LRP1B: variants seen among roughly 807,000 people sequenced by gnomAD.
The protein encoded by LRP1B is low-density lipoprotein receptor-related protein 1B.
A neutral mutation model predicts 556.6 loss-of-function variants in LRP1B; 217 were observed. The ratio of observed to expected loss-of-function variants is 0.39; its 90% CI spans 0.35 to 0.44. LRP1B has a LOEUF of 0.44. Among genes scored for constraint, LRP1B ranks in the 20% least tolerant of loss-of-function variants. The pLI is 1.00. For missense variants in LRP1B, 5,053 were observed against 5,620.8 expected, an observed-to-expected ratio of 0.90 and a Z score of 3.23; for synonymous variants, 2,047 against 1,865.8, an observed-to-expected ratio of 1.10 and a Z score of -2.50.
rs60905457 is a variant in LRP1B at position 140,828,608 on chromosome 2, CAAAAAAAAA to C, written c.5209+11374_5209+11382del. ...TGGGCGACAGAGCGAGACTCCGTCTCAAAAAAAAAAAAAAAAAAAAAAATACAAAAAATT... is the reference window on the plus strand; with the variant it reads ...TGGGCGACAGAGCGAGACTCCGTCTCAAAAAAAAAAAAAATACAAAAAATT... On this transcript the variant is annotated intron_variant, in intron 31 of 90. Transcript: ENST00000389484. 4.8e-4 allele frequency among the ~76,000 whole-genome samples: 2 copies of C among 4,124 alleles called. 1 individual carries two copies. The highest frequency in any genetic ancestry group is 0.019 in the South Asian group (2 of 104). The allele number at this position is 4,124 out of a possible 152,430, so 2.7% of individuals were successfully genotyped here.
rs1363371322 is a variant in LRP1B, at chr2:141,775,411, G to C, written c.205+34868C>G. Among the ~76,000 whole-genome samples, 2 of 152,104 alleles carry C rather than the reference G, an allele frequency of 1.3e-5. 1 individual carries two copies. The highest frequency in any genetic ancestry group is 6.3e-3 in the Middle Eastern group (2 of 316). ...ATGTGTGGTTCTTTGAATTTCCCCTGAACCAGTTGTAACTTCTTACTGGTA... is the reference window on the plus strand; with the variant it reads ...ATGTGTGGTTCTTTGAATTTCCCCTCAACCAGTTGTAACTTCTTACTGGTA... On this transcript the variant is annotated intron_variant, in intron 2 of 90. Transcript: ENST00000389484.
chr2:141,456,488 T>C (rs1469495421), intron 3 of LRP1B, among the ~76,000 whole-genome samples: 5 of 152,208 alleles, frequency 3.3e-5, no homozygotes, highest in African/African-American at 9.6e-5. Context: ...TCCTCAACTA[T>C]GAACATCTTG....
chr2:140,753,958 GC>G (rs1464945260), intron 35 of LRP1B, among the ~76,000 whole-genome samples: 1 of 152,092 alleles, frequency 6.6e-6, no homozygotes, highest in African/African-American at 2.4e-5. Context: ...GAACCCAAGG[GC>G]CCCACTGCCC....
chr2:140,614,659 A>G (rs1213767267), intron 41 of LRP1B, among the ~76,000 whole-genome samples: 5 of 152,134 alleles, frequency 3.3e-5, no homozygotes, highest in Non-Finnish European at 5.9e-5. Context: ...GGAGAGAAAA[A>G]TTTGAGGAGA....
chr2:141,160,978 C>A (rs1680004383), intron 7 of LRP1B, among the ~76,000 whole-genome samples: 1 of 151,960 alleles, frequency 6.6e-6, no homozygotes, highest in Non-Finnish European at 1.5e-5. Flanking sequence ...TTTACTATGG[C>A]TTTGTAAAAT....
At chr2:141,901,184 C>T (rs543320364) in intron 1 of LRP1B, among the ~76,000 whole-genome samples, 4 of 151,874 alleles carry the variant, frequency 2.6e-5, no homozygotes, top group Non-Finnish European at 5.9e-5. Context: ...TCTTTTTTCC[C>T]TCATGCAACA....
At chr2:141,970,930 T>A (rs967321708) in intron 1 of LRP1B, among the ~76,000 whole-genome samples, 3 of 151,600 alleles carry the variant, frequency 2.0e-5, no homozygotes, top group Admixed American at 6.6e-5. Context: ...ATTTAGATGA[T>A]GTTTAAAGAT....
chr2:140,794,518 CAT>C (rs1690234466), intron 32 of LRP1B, among the ~76,000 whole-genome samples: 2 of 140,156 alleles, frequency 1.4e-5, no homozygotes, highest in African/African-American at 5.3e-5. Flanking sequence ...CACACACACA[CAT>C]ATTTCAAGGG....
intron 2 of LRP1B, among the ~76,000 whole-genome samples, chr2:141,587,735 T>C (rs925960898): frequency 3.9e-5 from 6 of 152,182 alleles, no homozygotes; most frequent in African/African-American, 1.2e-4. Flanking sequence ...ACATAATTAC[T>C]TCAGTAGTTA....
intron 1 of LRP1B, among the ~76,000 whole-genome samples, chr2:141,904,180 G>C (rs1281033318): frequency 6.6e-6 from 1 of 152,058 alleles, no homozygotes; most frequent in East Asian, 1.9e-4. Flanking sequence ...TAGCAATATG[G>C]ACCATGAGCT....
chr2:140,533,297 G>A (rs777806519), intron 47 of LRP1B, among the ~76,000 whole-genome samples: 1 of 151,954 alleles, frequency 6.6e-6, no homozygotes, highest in Non-Finnish European at 1.5e-5. Flanking sequence ...ATTTAATATT[G>A]TTTTTCTTAT....
rs2104944004 is a variant in LRP1B, at chr2:140,270,323, G to C, written c.13166C>G (p.Ser4389Cys). 1 of 1,611,640 alleles carries C rather than the reference G, an allele frequency of 6.2e-7. No individual in the cohort carries two copies. Among genetic ancestry groups the C allele is most frequent in the Non-Finnish European group, 8.5e-7 (1 of 1,178,322 alleles). The change falls in exon 86 of 91, where the codon TCT becomes TGT. Residue 4389 changes from serine (S) to cysteine (C), a missense_variant. This residue lies in a region of LRP1B where 551 missense variants were observed against 592.0 expected (regional missense o/e 0.93). Transcript: ENST00000389484. The part of the protein sequence containing the change: ...FCNCTNGKIA[S>C]SCQLCDGYCY... ...GTAGCCATCACATAACTGACAGCTA[G>C]AGGCAATCTTTCCATTAGTGCAGCT...
chr2:141,964,282 G>T (rs1276212764), intron 1 of LRP1B, among the ~76,000 whole-genome samples: 1 of 150,048 alleles, frequency 6.7e-6, no homozygotes, highest in Non-Finnish European at 1.5e-5. Flanking sequence ...AGCCTGCATC[G>T]CCAAGTCAAT....
Position 141,169,800 on chromosome 2 carries a change from CAAAAAAAAAA to C in LRP1B, c.1013+18611_1013+18620del, listed in dbSNP as rs574461113. 8.0e-5 allele frequency among the ~76,000 whole-genome samples: 7 copies of C among 87,410 alleles called. No individual in the cohort carries two copies. In the South Asian group the frequency reaches 2.6e-3, roughly 32 times the overall value. The allele number at this position is 87,410 out of a possible 152,430, so 57.3% of individuals were successfully genotyped here. ...TCCAGTGCACCTCCCACACCTTAAC[CAAAAAAAAAA>C]AAAAAAAAAAAGAATAGAATTAAAA... On this transcript the variant is annotated intron_variant, in intron 7 of 90. Transcript: ENST00000389484.
intron 1 of LRP1B, among the ~76,000 whole-genome samples, chr2:141,959,373 TG>T (rs1299634433): frequency 6.6e-6 from 1 of 151,962 alleles, no homozygotes; most frequent in Non-Finnish European, 1.5e-5. Flanking sequence ...CACATACTAA[TG>T]AAATAAAGAG....
intron 55 of LRP1B, among the ~76,000 whole-genome samples, chr2:140,496,760 A>G (rs1357565048): frequency 1.3e-5 from 2 of 152,064 alleles, no homozygotes; most frequent in Admixed American, 6.6e-5. Context: ...ATGATCACAG[A>G]CTGATTAGTT....
intron 2 of LRP1B, among the ~76,000 whole-genome samples, chr2:141,784,680 C>T (rs1003630326): frequency 3.3e-5 from 5 of 151,878 alleles, no homozygotes; most frequent in African/African-American, 1.2e-4. Flanking sequence ...ACCCCTTTCC[C>T]TTCCTCAACT....
intron 41 of LRP1B, among the ~76,000 whole-genome samples, chr2:140,699,917 GAA>G (rs35411688): frequency 6.9e-6 from 1 of 144,546 alleles, no homozygotes; most frequent in East Asian, 2.0e-4. Context: ...TTGCCCACTG[GAA>G]AAAAAAAATC....
intron 66 of LRP1B, among the ~76,000 whole-genome samples, chr2:140,413,643 G>A (rs1685056873): frequency 6.6e-6 from 1 of 152,092 alleles, no homozygotes; most frequent in South Asian, 2.1e-4. Flanking sequence ...AAAACTATTT[G>A]TGTTATCTTC....
Sources: gnomAD v4.1 joint callset for allele counts (sites outside exome capture counted in the v4.1 genomes callset) on GRCh38, gnomAD v4.1.1 for gene constraint, gnomAD v4.1.1 regional missense constraint, MANE v1.5 for transcripts, NCBI Gene and HGNC (gene_info 2026-07-23, HGNC 2026-07-21) for gene names.